LRRTM4: variants seen among roughly 807,000 people sequenced by gnomAD.
LRRTM4 encodes leucine-rich repeat transmembrane neuronal protein 4.
Under a neutral mutation model 47.6 loss-of-function variants are expected in LRRTM4, and 25 were observed. The ratio of observed to expected loss-of-function variants is 0.53; its 90% confidence interval spans 0.38 to 0.73. The LOEUF (loss-of-function observed/expected upper bound fraction) is 0.73, where lower values mean the gene tolerates loss of function less well. Among genes scored for constraint, LRRTM4 ranks in the 30% least tolerant of loss-of-function variants. LRRTM4 has a pLI of 0.00. For synonymous variants in LRRTM4, 311 were observed against 269.5 expected (o/e 1.15, Z -1.51); for missense variants, 638 against 713.4 (o/e 0.89, Z 1.20).
chr2:77,143,694 A>G (rs1261894321), intron 3 of LRRTM4, among the ~76,000 whole-genome samples: 2 of 152,224 alleles, frequency 1.3e-5, no homozygotes, highest in African/African-American at 4.8e-5. Flanking sequence ...TGAAGAGCCT[A>G]GATTGAGAGA....
chr2:77,384,057 T>C (rs1044221529), intron 3 of LRRTM4, among the ~76,000 whole-genome samples: 20 of 152,266 alleles, frequency 1.3e-4, no homozygotes, highest in African/African-American at 4.6e-4. Flanking sequence ...TATTTGCCTT[T>C]TGTTAAAAAT....
intron 3 of LRRTM4, among the ~76,000 whole-genome samples, chr2:76,899,637 G>A (rs1273801518): frequency 1.3e-5 from 2 of 152,014 alleles, no homozygotes; most frequent in African/African-American, 2.4e-5. Flanking sequence ...GGGAGGAAAG[G>A]CAGGAAAAAG....
At chr2:77,154,535 T>A (rs1445501896) in intron 3 of LRRTM4, among the ~76,000 whole-genome samples, 1 of 152,072 alleles carries the variant, frequency 6.6e-6, no homozygotes, top group African/African-American at 2.4e-5. Context: ...AGTATACATA[T>A]TAGTAAAGTA....
chr2:77,220,426 C>T (rs988160181), intron 3 of LRRTM4, among the ~76,000 whole-genome samples: 60 of 152,184 alleles, frequency 3.9e-4, no homozygotes, highest in African/African-American at 1.2e-3. Context: ...GGAGGAAGTT[C>T]GAACCAATGG....
intron 3 of LRRTM4, among the ~76,000 whole-genome samples, chr2:77,030,904 C>G (rs962982207): frequency 6.6e-6 from 1 of 152,164 alleles, no homozygotes; most frequent in Admixed American, 6.5e-5. Flanking sequence ...CTCAAACACT[C>G]TTCAGGTTCT....
chr2:77,261,570 TA>T (rs776372003), intron 3 of LRRTM4, among the ~76,000 whole-genome samples: 17 of 152,064 alleles, frequency 1.1e-4, no homozygotes, highest in Non-Finnish European at 2.1e-4. Flanking sequence ...AAGTCTTTAT[TA>T]TTTTTTTTAA....
chr2:76,913,836 G>A (rs887503320), intron 3 of LRRTM4, among the ~76,000 whole-genome samples: 1 of 151,982 alleles, frequency 6.6e-6, no homozygotes, highest in Non-Finnish European at 1.5e-5. Flanking sequence ...ACCATGCCCA[G>A]CCGCTATTTC....
intron 3 of LRRTM4, among the ~76,000 whole-genome samples, chr2:77,018,434 C>G (rs1159393008): frequency 1.3e-5 from 2 of 151,844 alleles, no homozygotes; most frequent in African/African-American, 4.8e-5. Context: ...ATGTAGCTGC[C>G]ATATCATATC....
At chr2:77,270,577 G>A (rs1043499766) in intron 3 of LRRTM4, among the ~76,000 whole-genome samples, 3 of 152,204 alleles carry the variant, frequency 2.0e-5, no homozygotes, top group South Asian at 2.1e-4. Flanking sequence ...GTCTTCTTTC[G>A]TAATCTCTGT....
chr2:77,262,473 T>C (rs1675943201), intron 3 of LRRTM4, among the ~76,000 whole-genome samples: 1 of 150,990 alleles, frequency 6.6e-6, no homozygotes, highest in African/African-American at 2.5e-5. Context: ...TTAAAGTCTG[T>C]ACTTTATTTA....
At chr2:76,953,925 C>T (rs1675579721) in intron 3 of LRRTM4, among the ~76,000 whole-genome samples, 1 of 151,816 alleles carries the variant, frequency 6.6e-6, no homozygotes, top group South Asian at 2.1e-4. Context: ...TGCAATACCA[C>T]AGACAGACAC....
At chr2:76,898,355 A>G (rs1019266242) in intron 3 of LRRTM4, among the ~76,000 whole-genome samples, 1 of 147,000 alleles carries the variant, frequency 6.8e-6, no homozygotes, top group African/African-American at 2.6e-5. Context: ...AAGGTAAAAA[A>G]CAGCAATTGA....
chr2:77,389,906 G>T (rs1383674230), intron 3 of LRRTM4, among the ~76,000 whole-genome samples: 1 of 151,882 alleles, frequency 6.6e-6, no homozygotes, highest in Non-Finnish European at 1.5e-5. Context: ...TATGGAAATT[G>T]TACCCAGGAA....
chr2:77,190,291 C>CTTT (rs143873795), intron 3 of LRRTM4, among the ~76,000 whole-genome samples: 16 of 103,898 alleles, frequency 1.5e-4, no homozygotes, highest in East Asian at 2.7e-4. Context: ...GCATTTTCAT[C>CTTT]TTTTTTTTTT....
intron 3 of LRRTM4, among the ~76,000 whole-genome samples, chr2:76,806,546 A>C (rs1426282797): frequency 1.3e-5 from 2 of 152,148 alleles, no homozygotes; most frequent in African/African-American, 2.4e-5. Context: ...ACGTCATTGC[A>C]CTCCAGCCTG....
At chr2:76,880,447 C>T (rs1181308624) in intron 3 of LRRTM4, among the ~76,000 whole-genome samples, 1 of 151,978 alleles carries the variant, frequency 6.6e-6, no homozygotes, top group Non-Finnish European at 1.5e-5. Flanking sequence ...GATATTTTCA[C>T]CTTTTTAGAC....
intron 3 of LRRTM4, among the ~76,000 whole-genome samples, chr2:77,282,046 A>G (rs187405665): frequency 3.7e-4 from 57 of 152,058 alleles, no homozygotes; most frequent in Admixed American, 2.3e-3. Flanking sequence ...CACTTTAACA[A>G]TACTGATTCT....
At chr2:77,087,481 G>A (rs1680756144) in intron 3 of LRRTM4, among the ~76,000 whole-genome samples, 1 of 152,214 alleles carries the variant, frequency 6.6e-6, no homozygotes, top group African/African-American at 2.4e-5. Context: ...TAGTAACCCA[G>A]AACACCTGGC....
At chr2:76,769,827 G>A (rs753371530) in intron 3 of LRRTM4, among the ~76,000 whole-genome samples, 4 of 152,122 alleles carry the variant, frequency 2.6e-5, no homozygotes, top group Non-Finnish European at 4.4e-5. Context: ...AAAAATAGAA[G>A]CCCTATGTTT....
Sources: gnomAD v4.1 joint callset for allele counts (sites outside exome capture counted in the v4.1 genomes callset) on GRCh38, gnomAD v4.1.1 for gene constraint, MANE v1.5 for transcripts, NCBI Gene and HGNC (gene_info 2026-07-23, HGNC 2026-07-21) for gene names.